RIMS2: variants seen among roughly 807,000 people sequenced by gnomAD.
RIMS2 encodes the protein regulating synaptic membrane exocytosis protein 2.
A neutral mutation model predicts 174.4 loss-of-function variants in RIMS2; 59 were observed. The observed-to-expected ratio is 0.34, with a 90% confidence interval of 0.27 to 0.42. The LOEUF is 0.42. RIMS2 is among the 10% of genes least tolerant of loss of function. The probability of loss-of-function intolerance (pLI) is 1.00; values close to 1 mark genes in which losing one functional copy is unlikely to be tolerated. For missense variants in RIMS2, 1,620 were observed against 1,666.3 expected (o/e 0.97, Z 0.48); for synonymous variants, 606 against 572.5 (o/e 1.06, Z -0.84).
intron 2 of RIMS2, among the ~76,000 whole-genome samples, chr8:103,701,355 C>G (rs1360148568): frequency 2.6e-5 from 4 of 152,038 alleles, no homozygotes; most frequent in Non-Finnish European, 5.9e-5. Flanking sequence ...AACAACTGTA[C>G]AATGTGTAAT....
intron 3 of RIMS2, among the ~76,000 whole-genome samples, chr8:103,767,257 G>A (rs1184297148): frequency 1.3e-5 from 2 of 150,488 alleles, no homozygotes; most frequent in Admixed American, 6.6e-5. Context: ...GCACGATCTC[G>A]GCTCACTGCA....
chr8:103,765,117 A>G (rs1384004663), intron 2 of RIMS2, among the ~76,000 whole-genome samples: 3 of 152,200 alleles, frequency 2.0e-5, no homozygotes, highest in African/African-American at 7.2e-5. Flanking sequence ...ATGTGAGAAA[A>G]TGTTTAGCAA....
At chr8:103,527,469 C>CTG (rs1834627397) in intron 1 of RIMS2, among the ~76,000 whole-genome samples, 1 of 151,980 alleles carries the variant, frequency 6.6e-6, no homozygotes, top group Non-Finnish European at 1.5e-5. Flanking sequence ...TATACATGTG[C>CTG]CATGTTGGTG....
chr8:104,020,104 TA>T (rs2096048042), intron 19 of RIMS2, among the ~76,000 whole-genome samples: 1 of 152,122 alleles, frequency 6.6e-6, no homozygotes, highest in South Asian at 2.1e-4. Flanking sequence ...TGGTTTTTTT[TA>T]CTTTTCCTAT....
chr8:103,824,305 A>T (rs767069063), intron 3 of RIMS2, among the ~76,000 whole-genome samples: 7 of 152,102 alleles, frequency 4.6e-5, no homozygotes, highest in Non-Finnish European at 1.0e-4. Flanking sequence ...TTACTAGTAA[A>T]CTTCTTTAAT....
At chr8:103,668,632 G>A (rs1165854845) in intron 1 of RIMS2, among the ~76,000 whole-genome samples, 1 of 150,062 alleles carries the variant, frequency 6.7e-6, no homozygotes, top group Non-Finnish European at 1.5e-5. Context: ...TCTCCTCCAT[G>A]GTGAGTCATG....
chr8:104,115,366 G>A (rs1422309992), intron 19 of RIMS2, among the ~76,000 whole-genome samples: 1 of 151,870 alleles, frequency 6.6e-6, no homozygotes, highest in African/African-American at 2.4e-5. Flanking sequence ...GCAGTAAAAC[G>A]ATCTTTGAAA....
chr8:103,685,053 G>T (rs1384232114), intron 1 of RIMS2, among the ~76,000 whole-genome samples: 1 of 149,084 alleles, frequency 6.7e-6, no homozygotes, highest in Non-Finnish European at 1.5e-5. Context: ...TTTATATAAG[G>T]TGTAAGATAC....
intron 1 of RIMS2, among the ~76,000 whole-genome samples, chr8:103,562,736 C>T (rs1415455438): frequency 6.6e-6 from 1 of 152,230 alleles, no homozygotes; most frequent in Non-Finnish European, 1.5e-5. Context: ...CATTTCCTTT[C>T]TCCACTGCCC....
At chr8:103,637,367 G>C (rs189625578) in intron 1 of RIMS2, among the ~76,000 whole-genome samples, 32 of 152,184 alleles carry the variant, frequency 2.1e-4, no homozygotes, top group Admixed American at 2.0e-4. Context: ...TTCTTTTCTT[G>C]AATTTACTTT....
intron 2 of RIMS2, among the ~76,000 whole-genome samples, chr8:103,709,341 T>G (rs1008526718): frequency 0.012 from 760 of 63,800 alleles, 7 homozygotes; most frequent in African/African-American, 0.05. Flanking sequence ...GGTATGTGGG[T>G]TTTTTTTTTT....
chr8:103,692,240 C>T (rs765520422), intron 1 of RIMS2, among the ~76,000 whole-genome samples: 7 of 152,182 alleles, frequency 4.6e-5, no homozygotes, highest in Non-Finnish European at 1.0e-4. Context: ...GGTTCAAGGG[C>T]TTTACAATCA....
At chr8:103,612,091 T>C (rs964850863) in intron 1 of RIMS2, among the ~76,000 whole-genome samples, 1 of 152,218 alleles carries the variant, frequency 6.6e-6, no homozygotes, top group Non-Finnish European at 1.5e-5. Flanking sequence ...CTTCAGCATG[T>C]CAGTTGCATT....
At chr8:103,912,961 T>G (rs977500314) in intron 6 of RIMS2, among the ~76,000 whole-genome samples, 7 of 147,218 alleles carry the variant, frequency 4.8e-5, no homozygotes, top group African/African-American at 1.7e-4. Context: ...CTAGCAAACT[T>G]TTTTTGTTGT....
chr8:103,685,391 G>A (rs1277539946), intron 1 of RIMS2, among the ~76,000 whole-genome samples: 3 of 152,046 alleles, frequency 2.0e-5, no homozygotes, highest in African/African-American at 7.2e-5. Context: ...AACTAGCAGA[G>A]CAAGAACTCA....
intron 3 of RIMS2, chr8:103,880,663 C>T (rs891293573): frequency 3.7e-5 from 20 of 534,178 alleles, no homozygotes; most frequent in Non-Finnish European, 5.5e-5. Context: ...GCTTCATGCT[C>T]GACAGATGTG....
intron 1 of RIMS2, among the ~76,000 whole-genome samples, chr8:103,532,781 G>A (rs1167981207): frequency 6.6e-6 from 1 of 152,114 alleles, no homozygotes; most frequent in Non-Finnish European, 1.5e-5. Flanking sequence ...GAATATAGCT[G>A]TACTATGACA....
At chr8:104,204,243 A>G (rs1382345136) in intron 19 of RIMS2, among the ~76,000 whole-genome samples, 1 of 152,246 alleles carries the variant, frequency 6.6e-6, no homozygotes, top group Non-Finnish European at 1.5e-5. Context: ...ATGCAATGTT[A>G]GAGGAGAATT....
chr8:103,576,318 CAT>C (rs1180686943), intron 1 of RIMS2, among the ~76,000 whole-genome samples: 1 of 152,174 alleles, frequency 6.6e-6, no homozygotes, highest in African/African-American at 2.4e-5. Context: ...AGAAAATCAA[CAT>C]GTAAATCACA....
Sources: allele counts gnomAD v4.1 joint callset (sites outside exome capture counted in the v4.1 genomes callset), GRCh38; gene constraint gnomAD v4.1.1; transcripts MANE v1.5; gene names NCBI Gene and HGNC (gene_info 2026-07-23, HGNC 2026-07-21).